Variants in TSHZ1 observed in about 807,000 individuals in gnomAD.
TSHZ1 encodes the protein teashirt zinc finger homeobox 1.
Under a neutral mutation model 67.1 loss-of-function variants are expected in TSHZ1, and 12 were observed. The ratio of observed to expected loss-of-function variants is 0.18; its 90% CI spans 0.11 to 0.29. The LOEUF (loss-of-function observed/expected upper bound fraction) is 0.29. Among genes scored for constraint, TSHZ1 ranks in the 10% least tolerant of loss-of-function variants. TSHZ1 has a pLI of 1.00. For missense variants in TSHZ1, 1,305 were observed against 1,413.9 expected (o/e 0.92, Z 1.23); for synonymous variants, 632 against 622.4 (o/e 1.02, Z -0.23).
chr18:75,258,827 T>G (rs2023394779), intron 1 of TSHZ1, among the ~76,000 whole-genome samples: 1 of 152,118 alleles, frequency 6.6e-6, no homozygotes, highest in Non-Finnish European at 1.5e-5. Context: ...GACTGTGCCA[T>G]CCACTGATGG....
At chr18:75,259,934 C>T (rs1044583756) in intron 1 of TSHZ1, among the ~76,000 whole-genome samples, 1 of 152,218 alleles carries the variant, frequency 6.6e-6, no homozygotes, top group Non-Finnish European at 1.5e-5. Flanking sequence ...GAAGGGAACC[C>T]CTCTGGATAG....
rs2023747276 is a variant in TSHZ1 at position 75,285,809 on chromosome 18, G to A, written c.402G>A (p.Leu134=). ...AGTCCTGCTGGTCCAGCTTAGCTCT[G>A]GATTTAAAGAAGTCGGGTTCCACCA... is the stretch of plus-strand genomic sequence containing the variant. ...FSESCWSSLA[L]DLKKSGSTTS... The change falls in exon 2 of 2, where the codon CTG becomes CTA. Residue 134 remains leucine (L), a synonymous_variant. Coordinates refer to ENST00000580243, the MANE Select transcript of TSHZ1 (RefSeq NM_001308210.2). 1 of 1,614,026 alleles carries A rather than the reference G, an allele frequency of 6.2e-7. No individual in the cohort carries two copies. The highest frequency in any genetic ancestry group is 1.3e-5 in the African/African-American group (1 of 74,980).
chr18:75,286,082 C>G lies in TSHZ1; in HGVS notation c.675C>G (p.Thr225=). 6.2e-7 allele frequency: 1 copy of G among 1,612,306 alleles called. No individual in the cohort carries two copies. Among genetic ancestry groups the G allele is most frequent in the South Asian group, 1.1e-5 (1 of 90,992 alleles). Residue 225 remains threonine (T), a synonymous_variant, in exon 2 of 2, where the codon ACC becomes ACG. Transcript: ENST00000580243. The surrounding 1 kb of genome is among the most constrained non-coding windows in gnomAD (Gnocchi z 5.1). ...GLLPEPSLFS[T]VQLYRQNNKL... ...TTCCTGAGCCCAGCCTGTTCAGCACCGTGCAGCTCTACCGCCAGAACAACA... is the reference window on the plus strand; with the variant it reads ...TTCCTGAGCCCAGCCTGTTCAGCACGGTGCAGCTCTACCGCCAGAACAACA...
At chr18:75,277,916 G>A (rs547886679) in intron 1 of TSHZ1, among the ~76,000 whole-genome samples, 55 of 152,250 alleles carry the variant, frequency 3.6e-4, no homozygotes, top group African/African-American at 1.3e-3. Flanking sequence ...TGGGGAAACC[G>A]AGGTCCCAAG....
chr18:75,268,697 C>G (rs949370493), intron 1 of TSHZ1, among the ~76,000 whole-genome samples: 1 of 152,160 alleles, frequency 6.6e-6, no homozygotes, highest in African/African-American at 2.4e-5. Flanking sequence ...GCAAACCATG[C>G]GAGTTACAGT....
intron 1 of TSHZ1, among the ~76,000 whole-genome samples, chr18:75,268,091 A>T (rs977350609): frequency 6.6e-6 from 1 of 152,206 alleles, no homozygotes; most frequent in Non-Finnish European, 1.5e-5. Flanking sequence ...GAAACTTAAC[A>T]GTTTGCATTT....
At chr18:75,216,619 T>C (rs1293776534) in intron 1 of TSHZ1, among the ~76,000 whole-genome samples, 1 of 152,238 alleles carries the variant, frequency 6.6e-6, no homozygotes, top group Non-Finnish European at 1.5e-5. Context: ...AGGTCAGAAG[T>C]AGTATTTTAG....
At chr18:75,277,864 C>A (rs1265432955) in intron 1 of TSHZ1, among the ~76,000 whole-genome samples, 1 of 152,174 alleles carries the variant, frequency 6.6e-6, no homozygotes, top group Non-Finnish European at 1.5e-5. Context: ...CTTCCTATAA[C>A]CCCAAAAGAC....
Position 75,212,273 on chromosome 18 carries a change from A to G in TSHZ1, c.40+357A>G, listed in dbSNP as rs570567539. ...CTTGGCTGCCGGAGCGCACTGGAAA[A>G]GTCCTCCAAAGGCGGGGAGGCTGAA... On this transcript the variant is annotated intron_variant, in intron 1 of 1. Transcript: ENST00000580243. 1.6e-4 allele frequency among the ~76,000 whole-genome samples: 25 copies of G among 152,266 alleles called. No homozygotes were observed. In the South Asian group the frequency reaches 5.0e-3, roughly 30 times the overall value.
intron 1 of TSHZ1, among the ~76,000 whole-genome samples, chr18:75,262,341 A>G (rs888075653): frequency 1.3e-5 from 2 of 152,184 alleles, no homozygotes; most frequent in African/African-American, 4.8e-5. Flanking sequence ...ACTACATGAC[A>G]CTGAGTCATA....
chr18:75,242,156 A>C (rs1407485597), intron 1 of TSHZ1, among the ~76,000 whole-genome samples: 2 of 151,932 alleles, frequency 1.3e-5, no homozygotes, highest in African/African-American at 4.8e-5. Flanking sequence ...ACTCTGAATC[A>C]CAGATGTGCT....
chr18:75,240,484 G>A (rs2023140236), intron 1 of TSHZ1, among the ~76,000 whole-genome samples: 2 of 152,002 alleles, frequency 1.3e-5, no homozygotes, highest in Admixed American at 1.3e-4. Context: ...TGGGTTGCTT[G>A]TGTGCCGCGT....
At position 75,266,628 on chromosome 18, in the gene TSHZ1, G is replaced by A. The variant is rs574031011; in HGVS notation, c.41-18820G>A. 7.9e-5 allele frequency among the ~76,000 whole-genome samples: 12 copies of A among 152,234 alleles called. No homozygotes were observed. In the South Asian group the frequency reaches 2.5e-3, roughly 32 times the overall value. Reference sequence around the variant, plus strand: ...GATGTCTTTTGAAAGCCAAAAAGTGGCACTAAAATTGAACAGCTTAAATTT... The same window carrying A: ...GATGTCTTTTGAAAGCCAAAAAGTGACACTAAAATTGAACAGCTTAAATTT... On this transcript the variant is annotated intron_variant, in intron 1 of 1. Transcript: ENST00000580243.
chr18:75,288,258 T>C lies in TSHZ1; in HGVS notation c.2851T>C (p.Leu951=). The C allele has an allele frequency of 6.2e-7, 1 of 1,614,134 alleles. No individual in the cohort carries two copies. Among genetic ancestry groups the C allele is most frequent in the Admixed American group, 1.7e-5 (1 of 60,022 alleles). The change falls in exon 2 of 2, where the codon TTG becomes CTG. Residue 951 remains leucine, a synonymous_variant. Coordinates refer to ENST00000580243, the MANE Select transcript of TSHZ1 (RefSeq NM_001308210.2). This position sits in a 1 kb window ranked among gnomAD's most constrained non-coding sequence, Gnocchi z 4.9. ...CTGGCTGGCCAATGTGAAGTACCAG[T>C]TGAGGAGGACAGGGGGAACGAAATT... The part of the protein sequence containing the change: ...SHWLANVKYQ[L]RRTGGTKFLK...
At chr18:75,225,906 C>T (rs1415706349) in intron 1 of TSHZ1, among the ~76,000 whole-genome samples, 2 of 151,962 alleles carry the variant, frequency 1.3e-5, no homozygotes, top group South Asian at 2.1e-4. Context: ...GCACTTTGCC[C>T]TGTTTTTGTG....
In TSHZ1 at chr18:75,211,911, C is replaced by T. The variant is rs2122505029; in HGVS notation, c.35C>T (p.Ser12Leu). ...AGGAAGCAGCAGGCCCCCCGGCGCT[C>T]GGCAGGTAACGGGCGCGCGGCCCGC... Reference protein sequence around the residue: ...PRRKQQAPRRSAAYVPEEELK... With the variant: ...PRRKQQAPRRLAAYVPEEELK... Residue 12 changes from serine (S) to leucine (L), a missense_variant, in exon 1 of 2, where the codon TCG becomes TTG. Ser to Leu is a moderately radical substitution (Grantham distance 145, BLOSUM62 -2). Coordinates refer to ENST00000580243, the MANE Select transcript of TSHZ1 (RefSeq NM_001308210.2). The T allele has an allele frequency of 2.5e-6, 3 of 1,201,736 alleles. No homozygotes were observed. Among genetic ancestry groups the T allele is most frequent in the South Asian group, 4.2e-5 (1 of 24,038 alleles). The allele number at this position is 1,201,736 out of a possible 1,614,324, so 74.4% of individuals were successfully genotyped here.
At chr18:75,235,623 T>G (rs1464405570) in intron 1 of TSHZ1, among the ~76,000 whole-genome samples, 2 of 152,194 alleles carry the variant, frequency 1.3e-5, no homozygotes, top group African/African-American at 4.8e-5. Flanking sequence ...GTAATGGAGC[T>G]CACGGTGTAG....
At chr18:75,235,192 C>T (rs1455833082) in intron 1 of TSHZ1, among the ~76,000 whole-genome samples, 2 of 151,998 alleles carry the variant, frequency 1.3e-5, no homozygotes, top group African/African-American at 2.4e-5. Flanking sequence ...GGAACCAAGG[C>T]GGGGATGTAA....
At chr18:75,233,125 C>T (rs2023021672) in intron 1 of TSHZ1, among the ~76,000 whole-genome samples, 2 of 152,210 alleles carry the variant, frequency 1.3e-5, no homozygotes, top group Admixed American at 6.5e-5. Context: ...CGGCTGCTGT[C>T]ATAGTTTTCT....
Sources: gnomAD v4.1 joint callset for allele counts (sites outside exome capture counted in the v4.1 genomes callset) on GRCh38, gnomAD v4.1.1 for gene constraint, Gnocchi (gnomAD v3.1) non-coding constraint, MANE v1.5 for transcripts, NCBI Gene and HGNC (gene_info 2026-07-23, HGNC 2026-07-21) for gene names.